CDCA7L: variants seen among roughly 807,000 people sequenced by gnomAD.
CDCA7L encodes the protein cell division cycle-associated 7-like protein.
Under a neutral mutation model 57.4 loss-of-function variants are expected in CDCA7L, and 44 were observed. The ratio of observed to expected loss-of-function variants is 0.77; its 90% CI spans 0.60 to 0.98. CDCA7L has a LOEUF of 0.98. CDCA7L is among the 50% of genes least tolerant of loss of function. The pLI is 0.00. For missense variants in CDCA7L, 644 were observed against 580.6 expected, an observed-to-expected ratio of 1.11 and a Z score of -1.12; for synonymous variants, 236 against 202.8, an observed-to-expected ratio of 1.16 and a Z score of -1.39.
intron 1 of CDCA7L, among the ~76,000 whole-genome samples, chr7:21,940,596 C>T (rs982148914): frequency 1.3e-5 from 2 of 152,166 alleles, no homozygotes; most frequent in Non-Finnish European, 2.9e-5. Flanking sequence ...GTTCCCAGGG[C>T]GAGCACCTGA....
rs1254414917 is a variant in CDCA7L, at chr7:21,902,050, T to TC, written c.*271_*272insG. 7 of 466,098 alleles carry TC rather than the reference T, an allele frequency of 1.5e-5. No homozygotes were observed. Among genetic ancestry groups the TC allele is most frequent in the African/African-American group, 5.8e-5 (3 of 51,390 alleles). 28.9% of individuals were successfully genotyped at this position (466,098 alleles called of 1,614,324 possible). On this transcript the variant is annotated 3_prime_UTR_variant, in exon 10 of 10. Coordinates refer to ENST00000406877, the MANE Select transcript of CDCA7L (RefSeq NM_018719.5). The stretch of plus-strand genomic sequence containing the variant: ...ACCTGAACTTTAACCCCACCCCATT[T>TC]AAACTGTGCTTTTTAATAACTGGCA...
chr7:21,939,389 TA>T (rs1786272530), intron 1 of CDCA7L, among the ~76,000 whole-genome samples: 1 of 152,190 alleles, frequency 6.6e-6, no homozygotes, highest in African/African-American at 2.4e-5. Context: ...ATGTTATGTT[TA>T]AAAGAGAAGA....
chr7:21,935,950 G>A (rs1236478441), intron 1 of CDCA7L, among the ~76,000 whole-genome samples: 1 of 152,136 alleles, frequency 6.6e-6, no homozygotes, highest in Admixed American at 6.5e-5. Context: ...GGAGGTTGCA[G>A]TGAGCCGCTA....
At chr7:21,940,219 T>C (rs1422907004) in intron 1 of CDCA7L, 2 of 537,320 alleles carry the variant, frequency 3.7e-6, no homozygotes, top group Non-Finnish European at 4.8e-6. Flanking sequence ...CAAATAGCCT[T>C]GACTGTTTCA....
chr7:21,902,117 T>TACATCTA lies in CDCA7L; in HGVS notation c.*198_*204dup. 1 of 606,554 alleles carries TACATCTA rather than the reference T, an allele frequency of 1.6e-6. No individual in the cohort carries two copies. The highest frequency in any genetic ancestry group is 3.0e-6 in the Non-Finnish European group (1 of 338,876). 37.6% of individuals were successfully genotyped at this position (606,554 alleles called of 1,614,324 possible). A position where few individuals can be genotyped will look rare whatever the true frequency, so the allele number is the denominator to read the frequency against. ...TTCAGCATACAGACAGGTCTGTGCA[T>TACATCTA]ACATCTATATAGATTCCTCTGCTCT... On this transcript the variant is annotated 3_prime_UTR_variant, in exon 10 of 10. Coordinates refer to ENST00000406877, the MANE Select transcript of CDCA7L (RefSeq NM_018719.5).
Position 21,905,648 on chromosome 7 carries a change from A to T in CDCA7L, c.922-17T>A. On this transcript the variant is annotated splice_polypyrimidine_tract_variant and intron_variant, in intron 6 of 9. Coordinates refer to ENST00000406877, the MANE Select transcript of CDCA7L (RefSeq NM_018719.5). ...GCATTTCCCCTGCACAATGAACACA[A>T]GCAGAACATGGAGATGTGTTGAGCA... is the stretch of plus-strand genomic sequence containing the variant. 1 of 1,612,484 alleles carries T rather than the reference A, an allele frequency of 6.2e-7. No individual in the cohort carries two copies. Among genetic ancestry groups the T allele is most frequent in the Non-Finnish European group, 8.5e-7 (1 of 1,179,528 alleles).
chr7:21,905,758 G>C, intron 6 of CDCA7L, 127 bp from the exon 7 acceptor site: 1 of 1,082,564 alleles, frequency 9.2e-7, no homozygotes, highest in South Asian at 2.1e-5. Flanking sequence ...TTTCCCTGCA[G>C]CCATTTCATT....
In CDCA7L at chr7:21,943,857, A is replaced by G. The variant is rs1253517013; in HGVS notation, c.24+1924T>C. Among the ~76,000 whole-genome samples the G allele has an allele frequency of 3.9e-5, 6 of 152,326 alleles. No homozygotes were observed. The East Asian group carries it at 1.2e-3, about 29-fold the overall frequency. On this transcript the variant is annotated intron_variant, in intron 1 of 9. Coordinates refer to ENST00000406877, the MANE Select transcript of CDCA7L (RefSeq NM_018719.5). ...TTATTTAACATTTTAGAACTACCAAAAATTAGCCTCATTGTGTGGCAGTAA... is the reference window on the plus strand; with the variant it reads ...TTATTTAACATTTTAGAACTACCAAGAATTAGCCTCATTGTGTGGCAGTAA...
rs1232942462 is a variant in CDCA7L, at chr7:21,901,477, G to C, written c.*845C>G. 1 of 492,066 alleles carries C rather than the reference G, an allele frequency of 2.0e-6. No individual in the cohort carries two copies. The highest frequency in any genetic ancestry group is 3.1e-6 in the Non-Finnish European group (1 of 327,532). The allele number at this position is 492,066 out of a possible 1,614,324, so 30.5% of individuals were successfully genotyped here. On this transcript the variant is annotated 3_prime_UTR_variant, in exon 10 of 10. Transcript: ENST00000406877. ...GTAATCCCAGTTACTCAGGAGGTAG[G>C]AGAATCACTTGAACCTAGGAGGCAA...
chr7:21,910,743 T>TAACA (rs1431893213), intron 3 of CDCA7L, among the ~76,000 whole-genome samples: 12 of 152,166 alleles, frequency 7.9e-5, no homozygotes, highest in African/African-American at 2.9e-4. Flanking sequence ...AACAAATAAC[T>TAACA]AACAAGTCTG....
At chr7:21,903,263 A>G in intron 8 of CDCA7L, 149 bp from the exon 9 acceptor site, 1 of 668,568 alleles carries the variant, frequency 1.5e-6, no homozygotes, top group Non-Finnish European at 2.5e-6. Flanking sequence ...GGCTCCTCAC[A>G]AGGCAGGAAG....
chr7:21,918,406 T>C (rs1386605913), intron 1 of CDCA7L, among the ~76,000 whole-genome samples: 1 of 152,238 alleles, frequency 6.6e-6, no homozygotes, highest in African/African-American at 2.4e-5. Flanking sequence ...GTGCAGTCTG[T>C]ATTCACAGTT....
chr7:21,926,145 C>A (rs192977099), intron 1 of CDCA7L, among the ~76,000 whole-genome samples: 1 of 152,232 alleles, frequency 6.6e-6, no homozygotes, highest in East Asian at 1.9e-4. Context: ...TTGTTAGTGT[C>A]CTTACATTAA....
At chr7:21,909,330 G>A (rs80060546) in intron 3 of CDCA7L, among the ~76,000 whole-genome samples, 2,639 of 152,244 alleles carry the variant, frequency 0.017, 70 homozygotes, top group African/African-American at 0.06. Context: ...GATCTAGGAC[G>A]TCTTCTGGGC....
chr7:21,910,753 G>C (rs1414368152), intron 3 of CDCA7L, among the ~76,000 whole-genome samples: 2 of 152,182 alleles, frequency 1.3e-5, no homozygotes, highest in African/African-American at 4.8e-5. Context: ...TAACAAGTCT[G>C]TTCATAGGAA....
In CDCA7L at chr7:21,906,544, A is replaced by G. The variant is rs202228816; in HGVS notation, c.753+24T>C. 1.3e-3 allele frequency: 2,047 copies of G among 1,613,802 alleles called. 2 individuals are homozygous for G. Among genetic ancestry groups the G allele is most frequent in the Non-Finnish European group, 1.7e-3 (2,003 of 1,179,706 alleles). ...CTGATCACCATATATCAGTATTGGT[A>G]TAATTATAAGGAGTTCTACTTACAG... On this transcript the variant is annotated intron_variant, in intron 5 of 9. Coordinates refer to ENST00000406877, the MANE Select transcript of CDCA7L (RefSeq NM_018719.5).
intron 1 of CDCA7L, among the ~76,000 whole-genome samples, chr7:21,918,960 C>T (rs1785573353): frequency 6.6e-6 from 1 of 152,178 alleles, no homozygotes; most frequent in South Asian, 2.1e-4. Flanking sequence ...TCAACAGTTT[C>T]AGCGTCCATT....
chr7:21,933,561 C>T (rs1277303724), intron 1 of CDCA7L, among the ~76,000 whole-genome samples: 1 of 152,084 alleles, frequency 6.6e-6, no homozygotes, highest in Non-Finnish European at 1.5e-5. Flanking sequence ...GAACAGAAAA[C>T]CAAACACCAC....
At chr7:21,917,909 C>A (rs189014679) in intron 1 of CDCA7L, among the ~76,000 whole-genome samples, 16 of 77,352 alleles carry the variant, frequency 2.1e-4, no homozygotes, top group Admixed American at 1.2e-3. Context: ...TTCAATAGTA[C>A]GATTTACTGT....
Sources: allele counts gnomAD v4.1 joint callset (sites outside exome capture counted in the v4.1 genomes callset), GRCh38; gene constraint gnomAD v4.1.1; transcripts MANE v1.5; gene names NCBI Gene and HGNC (gene_info 2026-07-23, HGNC 2026-07-21).